The following PHF20 variants were observed in gnomAD, a reference collection of about 807,000 sequenced individuals.
The protein encoded by PHF20 is glioma-expressed antigen 2.
A neutral mutation model predicts 113.5 loss-of-function variants in PHF20; 23 were observed. That is an observed-to-expected ratio of 0.20 (90% confidence interval 0.15 to 0.29). PHF20 has a LOEUF of 0.29. PHF20 is among the 10% of genes least tolerant of loss of function. The pLI is 1.00. For synonymous variants in PHF20, 434 were observed against 457.3 expected, an observed-to-expected ratio of 0.95 and a Z score of 0.65; for missense variants, 943 against 1,219.6, an observed-to-expected ratio of 0.77 and a Z score of 3.38.
At chr20:35,841,261 C>T (rs1287702869) in intron 2 of PHF20, among the ~76,000 whole-genome samples, 2 of 151,778 alleles carry the variant, frequency 1.3e-5, no homozygotes, top group African/African-American at 4.8e-5. Context: ...TGGAGGGACA[C>T]GAGCTGGGGA....
At chr20:35,814,035 C>T (rs1475026297) in intron 2 of PHF20, among the ~76,000 whole-genome samples, 8 of 150,086 alleles carry the variant, frequency 5.3e-5, no homozygotes. Context: ...AAGACTCTAT[C>T]TCTAAATAAA....
chr20:35,787,283 G>A (rs1265682045), intron 1 of PHF20, among the ~76,000 whole-genome samples: 3 of 151,850 alleles, frequency 2.0e-5, no homozygotes, highest in Non-Finnish European at 4.4e-5. Flanking sequence ...AGGTTCAAGC[G>A]ATTCTCCTGC....
intron 2 of PHF20, among the ~76,000 whole-genome samples, chr20:35,818,639 G>A (rs2042116165): frequency 6.6e-6 from 1 of 152,066 alleles, no homozygotes; most frequent in South Asian, 2.1e-4. Flanking sequence ...GGGCTCAAGT[G>A]ATCCTCCCAC....
intron 17 of PHF20, among the ~76,000 whole-genome samples, chr20:35,946,546 A>G (rs572003301): frequency 1.3e-5 from 2 of 152,204 alleles, no homozygotes; most frequent in South Asian, 2.1e-4. Context: ...ATCAGAGTTT[A>G]TGATATACAA....
chr20:35,908,810 A>G (rs1184874976), intron 10 of PHF20, among the ~76,000 whole-genome samples: 1 of 152,084 alleles, frequency 6.6e-6, no homozygotes, highest in African/African-American at 2.4e-5. Flanking sequence ...TCTCCTTGCT[A>G]TTTCTTTATT....
intron 9 of PHF20, among the ~76,000 whole-genome samples, chr20:35,898,063 A>G (rs556568208): frequency 2.6e-5 from 4 of 151,434 alleles, no homozygotes; most frequent in African/African-American, 9.7e-5. Flanking sequence ...TTTAGTAGAG[A>G]TGGGGTTTCA....
At chr20:35,903,506 T>C (rs1245075967) in intron 10 of PHF20, among the ~76,000 whole-genome samples, 1 of 152,174 alleles carries the variant, frequency 6.6e-6, no homozygotes, top group Non-Finnish European at 1.5e-5. Flanking sequence ...TGATCATTTC[T>C]GTACCCTCTC....
intron 2 of PHF20, among the ~76,000 whole-genome samples, chr20:35,832,763 G>A (rs1297522183): frequency 6.6e-6 from 1 of 152,096 alleles, no homozygotes; most frequent in Non-Finnish European, 1.5e-5. Flanking sequence ...AATAGATTTG[G>A]TTCTGGCCAG....
chr20:35,924,395 T>C (rs1487193570), intron 13 of PHF20, among the ~76,000 whole-genome samples: 1 of 151,802 alleles, frequency 6.6e-6, no homozygotes, highest in East Asian at 1.9e-4. Context: ...GGTTTCTCCA[T>C]GTTGGTCAGG....
intron 1 of PHF20, among the ~76,000 whole-genome samples, chr20:35,776,857 T>C (rs1029515327): frequency 7.9e-5 from 12 of 152,252 alleles, no homozygotes; most frequent in Admixed American, 7.2e-4. Flanking sequence ...GAGGGGCTGA[T>C]GATCTGCAAT....
rs371419307 is a variant in PHF20, at chr20:35,916,706, G to A, written c.1826-778G>A. 4.6e-5 allele frequency among the ~76,000 whole-genome samples: 7 copies of A among 152,038 alleles called. 1 individual carries two copies. The East Asian group carries it at 7.7e-4, about 17-fold the overall frequency. ...CTGGTCTCAAATCCTAGGCTCAAGTGATCGGCCCACCTTGGCCTCCTAAAG... is the reference window on the plus strand; with the variant it reads ...CTGGTCTCAAATCCTAGGCTCAAGTAATCGGCCCACCTTGGCCTCCTAAAG... On this transcript the variant is annotated intron_variant, in intron 12 of 17. Coordinates refer to ENST00000374012, the MANE Select transcript of PHF20 (RefSeq NM_016436.5).
At chr20:35,945,213 G>A (rs950685841) in intron 17 of PHF20, among the ~76,000 whole-genome samples, 7 of 152,114 alleles carry the variant, frequency 4.6e-5, no homozygotes, top group African/African-American at 1.7e-4. Flanking sequence ...TCCTTCTCTC[G>A]CTGTGTTTGT....
intron 2 of PHF20, among the ~76,000 whole-genome samples, chr20:35,841,755 C>T (rs1047429815): frequency 5.3e-5 from 8 of 151,590 alleles, no homozygotes; most frequent in Non-Finnish European, 8.8e-5. Context: ...AGCGACAGAG[C>T]GAGACCCTGT....
intron 14 of PHF20, among the ~76,000 whole-genome samples, chr20:35,928,149 A>G (rs2055678644): frequency 6.6e-6 from 1 of 152,178 alleles, no homozygotes; most frequent in Non-Finnish European, 1.5e-5. Flanking sequence ...TTTAAAAAAA[A>G]TGCATGAGGC....
At chr20:35,889,317 T>C (rs1050301414) in intron 9 of PHF20, among the ~76,000 whole-genome samples, 6 of 149,826 alleles carry the variant, frequency 4.0e-5, no homozygotes, top group African/African-American at 7.3e-5. Context: ...CCTGGTGCTA[T>C]ACATAATTTT....
At position 35,914,157 on chromosome 20, in the gene PHF20, C is replaced by T. The variant is rs1381344541; in HGVS notation, c.1785C>T (p.Gly595=). Residue 595 remains glycine (G), a synonymous_variant, in exon 12 of 18, where the codon GGC becomes GGT. Transcript: ENST00000374012. ...PGVHMSPQLH[G]PESGHHKGKV... ...TCCATATGAGCCCGCAGCTTCATGG[C>T]CCAGAATCTGGACACCACAAAGGGA... 1.2e-6 allele frequency: 2 copies of T among 1,614,018 alleles called. No homozygotes were observed. The highest frequency in any genetic ancestry group is 3.3e-5 in the Admixed American group (2 of 59,988).
At position 35,947,823 on chromosome 20, in the gene PHF20, G is replaced by A. The variant is rs2147142978; in HGVS notation, c.*196G>A. 1.8e-6 allele frequency: 1 copy of A among 562,124 alleles called. No homozygotes were observed. Among genetic ancestry groups the A allele is most frequent in the Non-Finnish European group, 3.2e-6 (1 of 315,114 alleles). The allele number at this position is 562,124 out of a possible 1,614,324, so 34.8% of individuals were successfully genotyped here. On this transcript the variant is annotated 3_prime_UTR_variant, in exon 18 of 18. Transcript: ENST00000374012. ...GGAGGACACTCTGATCTCGAAGCCT[G>A]CCATAAAGGTAGCAAATAGACTCTT...
intron 12 of PHF20, among the ~76,000 whole-genome samples, chr20:35,916,667 C>T (rs1457886066): frequency 6.6e-6 from 1 of 152,130 alleles, no homozygotes; most frequent in Non-Finnish European, 1.5e-5. Flanking sequence ...CAGGGTTTCA[C>T]CACGTTGGCC....
chr20:35,858,084 G>A (rs1388797058), intron 4 of PHF20, among the ~76,000 whole-genome samples: 2 of 151,882 alleles, frequency 1.3e-5, no homozygotes, highest in Non-Finnish European at 2.9e-5. Context: ...TTTTTTGATG[G>A]ATTTCAATTT....
Sources: gnomAD v4.1 joint callset for allele counts (sites outside exome capture counted in the v4.1 genomes callset) on GRCh38, gnomAD v4.1.1 for gene constraint, MANE v1.5 for transcripts, NCBI Gene and HGNC (gene_info 2026-07-23, HGNC 2026-07-21) for gene names.